ZBTB37: variants seen among roughly 807,000 people sequenced by gnomAD.
ZBTB37 encodes zinc finger and BTB domain-containing protein 37.
ZBTB37 carries 15 observed loss-of-function variants against 37.7 expected under a neutral mutation model. That is an observed-to-expected ratio of 0.40 (90% CI 0.27 to 0.61). ZBTB37 has a LOEUF of 0.61. ZBTB37 is among the 20% of genes least tolerant of loss of function. The pLI, the probability that ZBTB37 is intolerant of heterozygous loss-of-function variation, is 0.44. For synonymous variants in ZBTB37, 231 were observed against 220.6 expected, an observed-to-expected ratio of 1.05 and a Z score of -0.42; for missense variants, 514 against 641.9, an observed-to-expected ratio of 0.80 and a Z score of 2.15.
chr1:173,868,662 A>T (rs541861475), intron 1 of ZBTB37: 4 of 151,816 alleles, frequency 2.6e-5, no homozygotes, highest in Admixed American at 2.0e-4. Context: ...CAGCCGGGAC[A>T]CACCCAGATA....
At chr1:173,878,946 C>T (rs1447522863) in intron 4 of ZBTB37, among the ~76,000 whole-genome samples, 1 of 151,998 alleles carries the variant, frequency 6.6e-6, no homozygotes, top group Non-Finnish European at 1.5e-5. Flanking sequence ...AAAACATTAG[C>T]CAGGCATGGT....
At chr1:173,881,867 A>G (rs1312904223) in intron 4 of ZBTB37, among the ~76,000 whole-genome samples, 1 of 152,092 alleles carries the variant, frequency 6.6e-6, no homozygotes, top group Non-Finnish European at 1.5e-5. Flanking sequence ...ATCCTGGCTA[A>G]CACGGTGAAA....
At chr1:173,890,650 C>T (rs1390572481), downstream of ZBTB37, 1 of 152,124 alleles carries the variant, frequency 6.6e-6, no homozygotes. Flanking sequence ...GAGAAGATGT[C>T]CTCAGCAAAA....
chr1:173,886,265 G>A, exon 5 of ZBTB37: 2 of 1,339,490 alleles, frequency 1.5e-6, no homozygotes. Flanking sequence ...CAAACTGGAG[G>A]ATCAGCAACT....
intron 4 of ZBTB37, among the ~76,000 whole-genome samples, chr1:173,882,234 T>C (rs1277930769): frequency 7.0e-6 from 1 of 142,294 alleles, no homozygotes; most frequent in Non-Finnish European, 1.5e-5. Context: ...CTGATGGTAG[T>C]TTCTTTTTTT....
chr1:173,881,543 A>G (rs1286120356), intron 4 of ZBTB37, among the ~76,000 whole-genome samples: 1 of 152,190 alleles, frequency 6.6e-6, no homozygotes, highest in African/African-American at 2.4e-5. Context: ...GTCTTCCACA[A>G]TGGTTGAACT....
chr1:173,884,959 C>T (rs187516634), intron 4 of ZBTB37, among the ~76,000 whole-genome samples: 5 of 152,206 alleles, frequency 3.3e-5, no homozygotes, highest in African/African-American at 4.8e-5. Context: ...TCTGGCTGGG[C>T]GTCGTGGCTT....
exon 4 of ZBTB37, chr1:173,902,138 T>C (rs1003897098): frequency 6.6e-6 from 1 of 152,228 alleles, no homozygotes; most frequent in Non-Finnish European, 1.5e-5. Flanking sequence ...TTGTAAAGCA[T>C]TTAAACTAGT....
chr1:173,879,451 G>A (rs1311724122), intron 4 of ZBTB37, among the ~76,000 whole-genome samples: 1 of 152,110 alleles, frequency 6.6e-6, no homozygotes, highest in Non-Finnish European at 1.5e-5. Flanking sequence ...AAATTTTTAG[G>A]ACAGAAGATC....
chr1:173,892,777 A>T (rs1656893606), exon 4 of ZBTB37: 1 of 152,244 alleles, frequency 6.6e-6, no homozygotes, highest in Non-Finnish European at 1.5e-5. Flanking sequence ...TGGAAACTTC[A>T]AACAAGGAAA....
chr1:173,871,430 A>C (rs577641449), intron 3 of ZBTB37, among the ~76,000 whole-genome samples: 36 of 152,330 alleles, frequency 2.4e-4, no homozygotes, highest in Admixed American at 3.9e-4. Context: ...AGGATCAGTA[A>C]TTGCCAGGGC....
At chr1:173,898,815 C>A (rs1657153191) in exon 4 of ZBTB37, 1 of 152,210 alleles carries the variant, frequency 6.6e-6, no homozygotes. Flanking sequence ...ATATTTCTTA[C>A]AGCTAAGGAG....
chr1:173,873,613 C>G, intron 4 of ZBTB37, 47 bp downstream of exon 4: 1 of 1,611,654 alleles, frequency 6.2e-7, no homozygotes, highest in Non-Finnish European at 8.5e-7. Context: ...GGAGGAATTG[C>G]TACTGTGTAT....
At chr1:173,899,714 A>G (rs1009086884) in exon 4 of ZBTB37, 15 of 152,300 alleles carry the variant, frequency 9.8e-5, no homozygotes, top group African/African-American at 2.4e-4. Flanking sequence ...ATCACTCCCT[A>G]TGTAATCCCT....
At chr1:173,888,906 T>C (rs1368526007), downstream of ZBTB37, 1 of 152,228 alleles carries the variant, frequency 6.6e-6, no homozygotes, top group Non-Finnish European at 1.5e-5. Flanking sequence ...AGGTAGGGAC[T>C]ATCTCATTCA....
At chr1:173,872,586 T>G (rs984690240) in intron 3 of ZBTB37, among the ~76,000 whole-genome samples, 1 of 152,158 alleles carries the variant, frequency 6.6e-6, no homozygotes, top group African/African-American at 2.4e-5. Context: ...ATGTTAGAAC[T>G]GTATCAGAAG....
chr1:173,886,008 C>G, exon 5 of ZBTB37: 1 of 1,551,756 alleles, frequency 6.4e-7, no homozygotes, highest in Non-Finnish European at 8.7e-7. Flanking sequence ...CAGCATCTCC[C>G]CTGAAACAAC....
chr1:173,898,846 T>C (rs1025296777), exon 4 of ZBTB37: 1 of 152,236 alleles, frequency 6.6e-6, no homozygotes, highest in Admixed American at 6.5e-5. Flanking sequence ...TCCTTTGATA[T>C]CCTAGAATGC....
exon 5 of ZBTB37, chr1:173,886,314 C>G: frequency 1.2e-6 from 1 of 808,808 alleles, no homozygotes. Context: ...TCTTATTGCC[C>G]GCCTCACACT....
Sources: gnomAD v4.1 joint callset for allele counts (sites outside exome capture counted in the v4.1 genomes callset) on GRCh38, gnomAD v4.1.1 for gene constraint, MANE v1.5 for transcripts, NCBI Gene and HGNC (gene_info 2026-07-23, HGNC 2026-07-21) for gene names.